PPP2R3A: variants seen among roughly 807,000 people sequenced by gnomAD.
PPP2R3A encodes the protein serine/threonine-protein phosphatase 2A regulatory subunit B'' subunit alpha.
Under a neutral mutation model 106.9 loss-of-function variants are expected in PPP2R3A, and 80 were observed. That is an observed-to-expected ratio of 0.75 (90% CI 0.62 to 0.90). The LOEUF (loss-of-function observed/expected upper bound fraction) is 0.90, where lower values mean the gene tolerates loss of function less well. Ranked by LOEUF, PPP2R3A falls within the 40% of genes least tolerant of loss-of-function variation. PPP2R3A has a pLI of 0.00. For synonymous variants in PPP2R3A, 483 were observed against 468.3 expected, an observed-to-expected ratio of 1.03 and a Z score of -0.41; for missense variants, 1,386 against 1,350.4, an observed-to-expected ratio of 1.03 and a Z score of -0.41.
intron 1 of PPP2R3A, among the ~76,000 whole-genome samples, chr3:135,994,609 C>T (rs1559856918): frequency 6.6e-6 from 1 of 152,152 alleles, no homozygotes; most frequent in Non-Finnish European, 1.5e-5. Context: ...ATTCCTACTT[C>T]TCTTTTCTGT....
At chr3:136,095,597 A>G (rs1937198238) in intron 10 of PPP2R3A, among the ~76,000 whole-genome samples, 1 of 152,198 alleles carries the variant, frequency 6.6e-6, no homozygotes, top group South Asian at 2.1e-4. Flanking sequence ...TCCAGATGCC[A>G]TTCATTTGCA....
At chr3:136,138,198 T>C (rs1488481388) in intron 13 of PPP2R3A, among the ~76,000 whole-genome samples, 2 of 152,244 alleles carry the variant, frequency 1.3e-5, no homozygotes, top group African/African-American at 2.4e-5. Flanking sequence ...TTTTTCCACA[T>C]TGAACGAACC....
rs1933680779 is a variant in PPP2R3A at position 136,002,657 on chromosome 3, A to G, written c.1159A>G (p.Thr387Ala). ...TAACTTAGAGGTAAATGATCCTAGA[A>G]CTCTAAAAGCTGTCCAGGTCCAATC... The part of the protein sequence containing the change: ...LYNLEVNDPR[T>A]LKAVQVQSQS... The change falls in exon 2 of 14, where the codon ACT becomes GCT. Residue 387 changes from threonine (T) to alanine (A), a missense_variant. Coordinates refer to ENST00000264977, the MANE Select transcript of PPP2R3A (RefSeq NM_002718.5). The G allele has an allele frequency of 6.2e-7, 1 of 1,613,254 alleles. No homozygotes were observed. The highest frequency in any genetic ancestry group is 2.2e-5 in the East Asian group (1 of 44,880).
intron 13 of PPP2R3A, among the ~76,000 whole-genome samples, chr3:136,126,348 C>G (rs572754201): frequency 6.6e-6 from 1 of 152,348 alleles, no homozygotes; most frequent in African/African-American, 2.4e-5. Context: ...GGTCCCATGC[C>G]CATGGAGCCT....
At chr3:136,026,233 G>C (rs552081233) in intron 2 of PPP2R3A, among the ~76,000 whole-genome samples, 1 of 152,054 alleles carries the variant, frequency 6.6e-6, no homozygotes, top group Non-Finnish European at 1.5e-5. Context: ...AAATGGCGTG[G>C]CCCTAGTGGC....
rs747651964 is a variant in PPP2R3A, at chr3:136,145,188, CGAA to C, written c.*25_*27del. 11 of 1,591,554 alleles carry C rather than the reference CGAA, an allele frequency of 6.9e-6. No individual in the cohort carries two copies. Among genetic ancestry groups the C allele is most frequent in the Non-Finnish European group, 9.4e-6 (11 of 1,172,566 alleles). On this transcript the variant is annotated 3_prime_UTR_variant, in exon 14 of 14. Coordinates refer to ENST00000264977, the MANE Select transcript of PPP2R3A (RefSeq NM_002718.5). Reference sequence around the variant, plus strand: ...ATAGCTGCCGGTGTCTACAATGAAACGAAGATGTGTATTTTAAATGTTTCTTTC... The same window carrying C: ...ATAGCTGCCGGTGTCTACAATGAAACGATGTGTATTTTAAATGTTTCTTTC...
intron 5 of PPP2R3A, chr3:136,055,415 C>T (rs576104172): frequency 1.6e-5 from 16 of 1,019,208 alleles, no homozygotes; most frequent in African/African-American, 6.3e-5. Context: ...TGTTGCTCTC[C>T]GAGGTGCCAT....
rs114040123 is a variant in PPP2R3A at position 136,005,499 on chromosome 3, A to G, written c.1995+2006A>G. The stretch of plus-strand genomic sequence containing the variant: ...TAAATATCACAGATGTTCCCTGAGC[A>G]TTTCTGTGAAATTACTTTGTGTGAA... On this transcript the variant is annotated intron_variant, in intron 2 of 13. Coordinates refer to ENST00000264977, the MANE Select transcript of PPP2R3A (RefSeq NM_002718.5). 6.6e-3 allele frequency among the ~76,000 whole-genome samples: 998 copies of G among 152,274 alleles called. 12 individuals are homozygous for G. Among genetic ancestry groups the G allele is most frequent in the Non-Finnish European group, 5.3e-3 (361 of 68,024 alleles).
At chr3:136,139,123 C>A (rs1050804815) in intron 13 of PPP2R3A, among the ~76,000 whole-genome samples, 8 of 152,102 alleles carry the variant, frequency 5.3e-5, no homozygotes, top group African/African-American at 1.9e-4. Context: ...TAGTCAGAAT[C>A]CTGGAAACTG....
chr3:136,003,796 A>G (rs1348809321), intron 2 of PPP2R3A, among the ~76,000 whole-genome samples: 4 of 152,154 alleles, frequency 2.6e-5, no homozygotes, highest in Non-Finnish European at 5.9e-5. Flanking sequence ...CCTCATCTTT[A>G]TGGTGGAAAT....
chr3:136,112,426 C>T (rs985947972), intron 13 of PPP2R3A, among the ~76,000 whole-genome samples: 4 of 152,088 alleles, frequency 2.6e-5, no homozygotes, highest in East Asian at 1.9e-4. Flanking sequence ...ATCTGATAAA[C>T]GACTTCAGTA....
intron 8 of PPP2R3A, among the ~76,000 whole-genome samples, chr3:136,084,966 T>G (rs1293682138): frequency 6.6e-6 from 1 of 152,066 alleles, no homozygotes; most frequent in African/African-American, 2.4e-5. Flanking sequence ...TGGAAGGAAG[T>G]TGGGTTGTCT....
At chr3:136,096,946 G>A (rs1207332317) in intron 10 of PPP2R3A, among the ~76,000 whole-genome samples, 1 of 152,072 alleles carries the variant, frequency 6.6e-6, no homozygotes, top group Non-Finnish European at 1.5e-5. Context: ...TCCAGCCTGG[G>A]TGACAGAGCG....
chr3:136,019,161 G>T (rs1213670702), intron 2 of PPP2R3A, among the ~76,000 whole-genome samples: 5 of 152,310 alleles, frequency 3.3e-5, no homozygotes, highest in East Asian at 1.9e-4. Context: ...AGGCAGCTGT[G>T]CAGGAAGTTC....
chr3:136,042,751 A>G (rs970187558), intron 4 of PPP2R3A, among the ~76,000 whole-genome samples: 5 of 152,196 alleles, frequency 3.3e-5, no homozygotes, highest in African/African-American at 9.7e-5. Flanking sequence ...CTATGAATAG[A>G]TAAGTGTGTC....
intron 5 of PPP2R3A, among the ~76,000 whole-genome samples, chr3:136,069,607 T>C (rs1936365888): frequency 6.6e-6 from 1 of 152,050 alleles, no homozygotes; most frequent in Non-Finnish European, 1.5e-5. Flanking sequence ...ATATGTATAA[T>C]AATAAGCCTA....
At chr3:135,993,632 C>A (rs1251870010) in intron 1 of PPP2R3A, among the ~76,000 whole-genome samples, 2 of 152,174 alleles carry the variant, frequency 1.3e-5, no homozygotes, top group African/African-American at 4.8e-5. Flanking sequence ...CTAGAAATAG[C>A]TCAAATGTCC....
intron 3 of PPP2R3A, among the ~76,000 whole-genome samples, chr3:136,037,442 A>G (rs750362403): frequency 6.6e-5 from 10 of 152,254 alleles, no homozygotes; most frequent in Non-Finnish European, 5.9e-5. Context: ...CAAAGGATTC[A>G]TCATGGAGTT....
At chr3:135,966,232 G>C (rs901641319) in intron 1 of PPP2R3A, among the ~76,000 whole-genome samples, 2 of 152,218 alleles carry the variant, frequency 1.3e-5, no homozygotes, top group African/African-American at 4.8e-5. Context: ...TAACAGGAAA[G>C]CCTGGCAGAG....
Sources: gnomAD v4.1 joint callset for allele counts (sites outside exome capture counted in the v4.1 genomes callset) on GRCh38, gnomAD v4.1.1 for gene constraint, MANE v1.5 for transcripts, NCBI Gene and HGNC (gene_info 2026-07-23, HGNC 2026-07-21) for gene names.